PLXDC2: variants seen among roughly 807,000 people sequenced by gnomAD.
PLXDC2 encodes plexin domain containing 2, also known as plexin domain-containing protein 2.
Under a neutral mutation model 68.9 loss-of-function variants are expected in PLXDC2, and 40 were observed. The ratio of observed to expected loss-of-function variants is 0.58; its 90% CI spans 0.45 to 0.76. The LOEUF (loss-of-function observed/expected upper bound fraction) is 0.76. PLXDC2 is among the 30% of genes least tolerant of loss of function. PLXDC2 has a pLI of 0.00. For missense variants in PLXDC2, 644 were observed against 661.9 expected (o/e 0.97, Z 0.30); for synonymous variants, 243 against 234.2 (o/e 1.04, Z -0.34).
chr10:20,274,927 CTTGT>C (rs1033547124), intron 13 of PLXDC2, among the ~76,000 whole-genome samples: 18 of 150,036 alleles, frequency 1.2e-4, no homozygotes, highest in Admixed American at 2.0e-4. Context: ...TGTTTAATGA[CTTGT>C]TTGTTTGAAA....
At chr10:20,106,247 T>A (rs1263639504) in intron 4 of PLXDC2, among the ~76,000 whole-genome samples, 1 of 152,168 alleles carries the variant, frequency 6.6e-6, no homozygotes, top group Non-Finnish European at 1.5e-5. Context: ...ATATGACTCA[T>A]GGGTTGAATT....
chr10:20,117,106 A>G (rs1269537578), intron 4 of PLXDC2, among the ~76,000 whole-genome samples: 2 of 152,134 alleles, frequency 1.3e-5, no homozygotes, highest in Non-Finnish European at 2.9e-5. Flanking sequence ...AAATCAATAT[A>G]TAAAGTCAGT....
chr10:20,017,931 C>A (rs1258544477), intron 2 of PLXDC2, among the ~76,000 whole-genome samples: 1 of 152,160 alleles, frequency 6.6e-6, no homozygotes, highest in African/African-American at 2.4e-5. Flanking sequence ...GGCATGGGGA[C>A]CATGGGGACC....
At chr10:20,208,600 T>C (rs1381807866) in intron 9 of PLXDC2, among the ~76,000 whole-genome samples, 1 of 152,188 alleles carries the variant, frequency 6.6e-6, no homozygotes, top group Non-Finnish European at 1.5e-5. Context: ...AAAAGTAGTT[T>C]GAATTTCTCA....
intron 4 of PLXDC2, among the ~76,000 whole-genome samples, chr10:20,082,947 A>ATATGTATG (rs143600746): frequency 0.038 from 5,727 of 151,700 alleles, 136 homozygotes; most frequent in African/African-American, 0.072. Flanking sequence ...ATATGTACAT[A>ATATGTATG]TATGTATGTA....
intron 13 of PLXDC2, among the ~76,000 whole-genome samples, chr10:20,261,519 G>C (rs146815611): frequency 2.0e-5 from 3 of 152,116 alleles, no homozygotes; most frequent in African/African-American, 7.2e-5. Context: ...ATGAGCAAAA[G>C]AAAATTTTGG....
At chr10:20,178,877 A>G (rs1034884095) in intron 9 of PLXDC2, among the ~76,000 whole-genome samples, 1 of 151,936 alleles carries the variant, frequency 6.6e-6, no homozygotes, top group Non-Finnish European at 1.5e-5. Flanking sequence ...GCAAGCAGGT[A>G]GTTTGCAGTT....
intron 11 of PLXDC2, among the ~76,000 whole-genome samples, chr10:20,217,819 T>C (rs1835160847): frequency 6.6e-6 from 1 of 151,992 alleles, no homozygotes. Context: ...GACATAGCTT[T>C]TACCATTGAT....
chr10:20,279,718 T>A lies in PLXDC2; in HGVS notation c.1489T>A (p.Trp497Arg), dbSNP rs752798824. ...IFFIERRPSRWPAMKFRRGSG... is the reference protein window; with the variant it reads ...IFFIERRPSRRPAMKFRRGSG... ...TCTGTTTCAGAGACGCCCAAGCAGA[T>A]GGCCTGCGATGAAGTTTAGAAGAGG... Residue 497 changes from tryptophan (W) to arginine (R), a missense_variant, in exon 14 of 14, where the codon TGG becomes AGG. Physicochemically the swap from Trp to Arg is moderately radical, Grantham distance 101. Around this residue, in one of 3 missense-constraint regions of PLXDC2, gnomAD observed 330 missense variants for 327.9 expected, o/e 1.01. Coordinates refer to ENST00000377252, the MANE Select transcript of PLXDC2 (RefSeq NM_032812.9). 1 of 1,613,946 alleles carries A rather than the reference T, an allele frequency of 6.2e-7. No homozygotes were observed. Among genetic ancestry groups the A allele is most frequent in the Non-Finnish European group, 8.5e-7 (1 of 1,179,884 alleles).
At chr10:20,224,178 T>A (rs1466856727) in intron 12 of PLXDC2, among the ~76,000 whole-genome samples, 1 of 152,084 alleles carries the variant, frequency 6.6e-6, no homozygotes, top group Non-Finnish European at 1.5e-5. Flanking sequence ...TACGCCATGT[T>A]GGCCAGGCTG....
chr10:20,242,101 T>C (rs1835523956), intron 12 of PLXDC2, among the ~76,000 whole-genome samples: 1 of 152,190 alleles, frequency 6.6e-6, no homozygotes. Context: ...CTATTTTTGC[T>C]ACATTTTCCC....
intron 4 of PLXDC2, among the ~76,000 whole-genome samples, chr10:20,097,163 A>G (rs866992550): frequency 1.3e-5 from 2 of 152,128 alleles, no homozygotes; most frequent in African/African-American, 4.8e-5. Context: ...TTGAGAGTAT[A>G]TGTAACGCAG....
intron 4 of PLXDC2, among the ~76,000 whole-genome samples, chr10:20,095,813 G>T (rs1833342181): frequency 6.6e-6 from 1 of 152,144 alleles, no homozygotes; most frequent in African/African-American, 2.4e-5. Context: ...GATGCTTAAA[G>T]AAGAAAATAG....
intron 2 of PLXDC2, among the ~76,000 whole-genome samples, chr10:20,014,030 G>C (rs906481800): frequency 1.4e-4 from 22 of 152,136 alleles, no homozygotes; most frequent in African/African-American, 4.8e-4. Flanking sequence ...TGTACCAGAT[G>C]ATAGTAAAAT....
intron 1 of PLXDC2, among the ~76,000 whole-genome samples, chr10:19,896,528 C>T (rs1838061288): frequency 6.6e-6 from 1 of 152,136 alleles, no homozygotes; most frequent in Non-Finnish European, 1.5e-5. Flanking sequence ...ATTAATAAGT[C>T]CTCAATAAAT....
chr10:20,042,760 T>A (rs897706332), intron 2 of PLXDC2, among the ~76,000 whole-genome samples: 2 of 152,154 alleles, frequency 1.3e-5, no homozygotes, highest in African/African-American at 2.4e-5. Flanking sequence ...GTAGATCGAT[T>A]GCTACAGAAT....
chr10:20,133,050 T>C (rs1026072939), intron 4 of PLXDC2, among the ~76,000 whole-genome samples: 5 of 152,168 alleles, frequency 3.3e-5, no homozygotes, highest in African/African-American at 1.2e-4. Context: ...TCATAGCATA[T>C]GTTTTAAACT....
intron 1 of PLXDC2, among the ~76,000 whole-genome samples, chr10:19,984,681 A>G (rs894461083): frequency 5.9e-5 from 9 of 152,212 alleles, no homozygotes; most frequent in African/African-American, 1.4e-4. Flanking sequence ...CCTGAACTTC[A>G]GAGACACAGG....
Position 20,143,392 on chromosome 10 carries a change from T to C in PLXDC2, c.639T>C (p.Asn213=). 6.2e-7 allele frequency: 1 copy of C among 1,613,256 alleles called. No homozygotes were observed. The highest frequency in any genetic ancestry group is 8.5e-7 in the Non-Finnish European group (1 of 1,179,368). Residue 213 remains asparagine, a synonymous_variant, in exon 5 of 14, where the codon AAT becomes AAC. Transcript: ENST00000377252. ...MANFDPSVSR[N]STVRYFDNGT... ...ATTTCGATCCCAGTGTATCCAGAAA[T>C]TCAACTGTCAGATATTTTGATAATG...
Sources: gnomAD v4.1 joint callset for allele counts (sites outside exome capture counted in the v4.1 genomes callset) on GRCh38, gnomAD v4.1.1 for gene constraint, gnomAD v4.1.1 regional missense constraint, MANE v1.5 for transcripts, NCBI Gene and HGNC (gene_info 2026-07-23, HGNC 2026-07-21) for gene names.